The following CLVS1 variants were observed in gnomAD, a reference collection of about 807,000 sequenced individuals.
CLVS1 encodes clavesin 1.
CLVS1 carries 10 observed loss-of-function variants against 33.1 expected under a neutral mutation model. That is an observed-to-expected ratio of 0.30 (90% CI 0.19 to 0.51). The LOEUF is 0.51. CLVS1 is among the 20% of genes least tolerant of loss of function. The pLI, the probability that CLVS1 is intolerant of heterozygous loss-of-function variation, is 0.97. For synonymous variants in CLVS1, 163 were observed against 166.1 expected (o/e 0.98, Z 0.14); for missense variants, 343 against 433.4 (o/e 0.79, Z 1.85).
chr8:61,019,215 TC>T, the CLVS1 span, among the ~76,000 whole-genome samples: 1 of 152,224 alleles, frequency 6.6e-6, no homozygotes, highest in African/African-American at 2.4e-5. Context: ...AGTCGTCTTC[TC>T]CCATCGTAAA....
rs970659223 is a variant in CLVS1, at chr8:61,406,898, C to T, written c.630+30119C>T. On this transcript the variant is annotated intron_variant, in intron 3 of 5. Coordinates refer to ENST00000325897, the MANE Select transcript of CLVS1 (RefSeq NM_173519.3). ...TGCTGGGATTACAGGTGCGAGCTGC[C>T]GCGCCAGGCCGACATAAAATTCTTT... Among the ~76,000 whole-genome samples the T allele has an allele frequency of 1.2e-4, 18 of 152,078 alleles. 1 individual carries two copies. The highest frequency in any genetic ancestry group is 8.8e-5 in the Non-Finnish European group (6 of 68,022).
At chr8:60,968,901 TAAATA>T in the CLVS1 span, among the ~76,000 whole-genome samples, 3 of 150,736 alleles carry the variant, frequency 2.0e-5, no homozygotes, top group South Asian at 2.1e-4. Flanking sequence ...AAAAAATAAA[TAAATA>T]AAATAAAAAA....
intron 5 of CLVS1, among the ~76,000 whole-genome samples, chr8:61,481,580 C>T (rs1285141718): frequency 5.3e-5 from 8 of 152,218 alleles, no homozygotes; most frequent in Non-Finnish European, 7.3e-5. Context: ...GGTCCCACAC[C>T]CACAGAGCCT....
At chr8:60,997,791 C>T in the CLVS1 span, among the ~76,000 whole-genome samples, 4 of 152,216 alleles carry the variant, frequency 2.6e-5, no homozygotes, top group African/African-American at 9.7e-5. Flanking sequence ...CAGTGCAGCT[C>T]TCTCTTGAGC....
At chr8:61,122,275 A>G (rs1805885753) in intron 1 of CLVS1, among the ~76,000 whole-genome samples, 1 of 152,248 alleles carries the variant, frequency 6.6e-6, no homozygotes, top group African/African-American at 2.4e-5. Flanking sequence ...TTCTGCAACC[A>G]TAAACTTTTT....
intron 5 of CLVS1, among the ~76,000 whole-genome samples, chr8:61,494,756 CT>C (rs1804210936): frequency 6.6e-6 from 1 of 152,234 alleles, no homozygotes; most frequent in Middle Eastern, 3.4e-3. Flanking sequence ...GGCTTTATTT[CT>C]TTTTTTCTAG....
intron 2 of CLVS1, among the ~76,000 whole-genome samples, chr8:61,360,642 C>A (rs1812935710): frequency 6.6e-6 from 1 of 152,086 alleles, no homozygotes; most frequent in African/African-American, 2.4e-5. Context: ...CAAGATTAGT[C>A]TGAAGTTTTT....
At chr8:61,447,004 G>T (rs1816780928) in intron 3 of CLVS1, among the ~76,000 whole-genome samples, 1 of 151,868 alleles carries the variant, frequency 6.6e-6, no homozygotes, top group Non-Finnish European at 1.5e-5. Context: ...TATGACTTAG[G>T]TATTGTTTAT....
intron 2 of CLVS1, among the ~76,000 whole-genome samples, chr8:61,226,140 A>G (rs913654836): frequency 5.9e-5 from 9 of 152,236 alleles, no homozygotes; most frequent in African/African-American, 1.9e-4. Context: ...CAGTGAACAT[A>G]ATCATTGTGC....
chr8:61,092,684 G>A (rs1410379896), intron 1 of CLVS1, among the ~76,000 whole-genome samples: 2 of 152,126 alleles, frequency 1.3e-5, no homozygotes, highest in Non-Finnish European at 1.5e-5. Flanking sequence ...ACTCAGAGAC[G>A]GATTCTTCTG....
intron 2 of CLVS1, among the ~76,000 whole-genome samples, chr8:61,260,182 C>T (rs1349642940): frequency 6.6e-6 from 1 of 152,210 alleles, no homozygotes; most frequent in Non-Finnish European, 1.5e-5. Context: ...CACTTACATG[C>T]TATACTTTGC....
intron 5 of CLVS1, among the ~76,000 whole-genome samples, chr8:61,495,237 G>T (rs1804229403): frequency 1.3e-5 from 2 of 152,058 alleles, no homozygotes; most frequent in South Asian, 2.1e-4. Context: ...CCCCAAAACT[G>T]CCTCTCCTCT....
intron 2 of CLVS1, among the ~76,000 whole-genome samples, chr8:61,258,893 T>G (rs1809141262): frequency 6.6e-6 from 1 of 152,226 alleles, no homozygotes; most frequent in Non-Finnish European, 1.5e-5. Flanking sequence ...TTTGGTTTTA[T>G]TTTATACATT....
At chr8:61,054,021 A>T (rs765498598), upstream of CLVS1, among the ~76,000 whole-genome samples, 1 of 152,148 alleles carries the variant, frequency 6.6e-6, no homozygotes, top group African/African-American at 2.4e-5. Context: ...GTTTGAATCA[A>T]TCTCCTCTCT....
intron 2 of CLVS1, among the ~76,000 whole-genome samples, chr8:61,349,629 A>G (rs1259320337): frequency 6.6e-6 from 1 of 152,050 alleles, no homozygotes; most frequent in Non-Finnish European, 1.5e-5. Context: ...TTGATCTTCC[A>G]TCTTAATGTT....
At chr8:61,485,597 A>C (rs1803847838) in intron 5 of CLVS1, among the ~76,000 whole-genome samples, 2 of 152,360 alleles carry the variant, frequency 1.3e-5, no homozygotes, top group Admixed American at 1.3e-4. Flanking sequence ...ATTACTGGGA[A>C]TATACCCAAA....
At chr8:61,194,936 A>G (rs113534069) in intron 2 of CLVS1, among the ~76,000 whole-genome samples, 1 of 140,510 alleles carries the variant, frequency 7.1e-6, no homozygotes, top group African/African-American at 2.6e-5. Context: ...AAATTCTTAT[A>G]TGTTTTGAAA....
intron 2 of CLVS1, among the ~76,000 whole-genome samples, chr8:61,207,521 G>A (rs1003413647): frequency 6.6e-6 from 1 of 152,206 alleles, no homozygotes; most frequent in Non-Finnish European, 1.5e-5. Context: ...TTCAGTCTCT[G>A]CTGTGTGCAT....
At chr8:61,020,034 G>A in the CLVS1 span, among the ~76,000 whole-genome samples, 1 of 152,224 alleles carries the variant, frequency 6.6e-6, no homozygotes, top group African/African-American at 2.4e-5. Flanking sequence ...CTCTTGGCTT[G>A]TGCAGAGAGA....
Sources: allele counts gnomAD v4.1 joint callset (sites outside exome capture counted in the v4.1 genomes callset), GRCh38; gene constraint gnomAD v4.1.1; transcripts MANE v1.5; gene names NCBI Gene and HGNC (gene_info 2026-07-23, HGNC 2026-07-21).